Variants in GRM5 observed in about 807,000 individuals in gnomAD.
GRM5 encodes glutamate metabotropic receptor 5, also known as metabotropic glutamate receptor 5.
A neutral mutation model predicts 83.1 loss-of-function variants in GRM5; 19 were observed. The observed-to-expected ratio is 0.23, with a 90% CI of 0.16 to 0.34. The LOEUF (loss-of-function observed/expected upper bound fraction) is 0.34, where lower values mean the gene tolerates loss of function less well. Ranked by LOEUF, GRM5 falls within the 10% of genes least tolerant of loss-of-function variation. The probability of loss-of-function intolerance (pLI) is 1.00; values close to 1 mark genes in which losing one functional copy is unlikely to be tolerated. For missense variants in GRM5, 1,160 were observed against 1,588.3 expected, an observed-to-expected ratio of 0.73 and a Z score of 4.58; for synonymous variants, 675 against 633.6, an observed-to-expected ratio of 1.07 and a Z score of -0.98.
intron 3 of GRM5, among the ~76,000 whole-genome samples, chr11:88,686,488 A>T (rs920985226): frequency 1.3e-5 from 2 of 152,118 alleles, no homozygotes; most frequent in Non-Finnish European, 2.9e-5. Context: ...CTGAGGGAAG[A>T]CACGCTTGGT....
chr11:88,768,691 T>A (rs944309359), intron 3 of GRM5, among the ~76,000 whole-genome samples: 2 of 151,642 alleles, frequency 1.3e-5, no homozygotes, highest in Admixed American at 1.3e-4. Context: ...GGTCCTTATA[T>A]GAAAGAGACA....
intron 2 of GRM5, among the ~76,000 whole-genome samples, chr11:88,883,057 C>A (rs1407139481): frequency 6.6e-6 from 1 of 152,154 alleles, no homozygotes; most frequent in Non-Finnish European, 1.5e-5. Context: ...TCCATTAAAC[C>A]TCTTTCCTTT....
At chr11:88,976,527 T>C (rs1472619889) in intron 2 of GRM5, among the ~76,000 whole-genome samples, 4 of 139,414 alleles carry the variant, frequency 2.9e-5, no homozygotes, top group Non-Finnish European at 3.0e-5. Flanking sequence ...AAAATCCAAG[T>C]GCTGAACACA....
intron 3 of GRM5, among the ~76,000 whole-genome samples, chr11:88,819,053 T>C (rs1322785114): frequency 6.6e-6 from 1 of 152,160 alleles, no homozygotes; most frequent in Non-Finnish European, 1.5e-5. Context: ...CAGCTCTAGG[T>C]GAAGGACAAA....
At chr11:88,737,057 G>A (rs1038633214) in intron 3 of GRM5, among the ~76,000 whole-genome samples, 7 of 152,058 alleles carry the variant, frequency 4.6e-5, no homozygotes, top group African/African-American at 1.7e-4. Context: ...GAAGAAGGAG[G>A]TCACTAGAGG....
chr11:88,834,053 C>A (rs1465263110), intron 3 of GRM5, among the ~76,000 whole-genome samples: 3 of 152,114 alleles, frequency 2.0e-5, no homozygotes, highest in Non-Finnish European at 4.4e-5. Flanking sequence ...TGTTTGTTAG[C>A]TGAGTAGACT....
chr11:88,766,097 G>A (rs2135444046), intron 3 of GRM5, among the ~76,000 whole-genome samples: 1 of 151,974 alleles, frequency 6.6e-6, no homozygotes, highest in South Asian at 2.1e-4. Flanking sequence ...TCATGGATAG[G>A]AAGAATCAAT....
chr11:89,062,647 G>A (rs1169611501), intron 1 of GRM5, among the ~76,000 whole-genome samples: 2 of 152,226 alleles, frequency 1.3e-5, no homozygotes, highest in Non-Finnish European at 2.9e-5. Context: ...ATAAGCACAA[G>A]CGCTTGTTAT....
intron 3 of GRM5, among the ~76,000 whole-genome samples, chr11:88,662,226 T>C (rs1244592841): frequency 6.6e-6 from 1 of 152,174 alleles, no homozygotes; most frequent in Non-Finnish European, 1.5e-5. Context: ...TGAGGAAATC[T>C]GAGGGATTAA....
At chr11:88,849,366 G>A (rs2135539419) in intron 3 of GRM5, among the ~76,000 whole-genome samples, 1 of 152,304 alleles carries the variant, frequency 6.6e-6, no homozygotes, top group South Asian at 2.1e-4. Context: ...GATAATTAAA[G>A]TCAATCTCTG....
Position 88,850,063 on chromosome 11 carries a change from C to T in GRM5, c.754G>A (p.Ala252Thr), listed in dbSNP as rs751836926. Residue 252 changes from alanine to threonine, a missense_variant, in exon 3 of 10, where the codon GCA (alanine) becomes ACA (threonine). Around this residue, in one of 9 missense-constraint regions of GRM5, gnomAD observed 84 missense variants for 231.0 expected, o/e 0.36. Transcript: ENST00000305447. ...IAHSYKIYSN[A>T]GEQSFDKLLK... ...AGCTTATCAAAGCTCTGCTCCCCTG[C>T]ATTACTGTAGATTTTGTAAGAGTGG... 1 of 1,565,900 alleles carries T rather than the reference C, an allele frequency of 6.4e-7. No individual in the cohort carries two copies. Among genetic ancestry groups the T allele is most frequent in the Non-Finnish European group, 8.8e-7 (1 of 1,136,218 alleles).
intron 3 of GRM5, among the ~76,000 whole-genome samples, chr11:88,763,609 G>A (rs1046552219): frequency 4.6e-5 from 7 of 151,770 alleles, no homozygotes; most frequent in African/African-American, 9.7e-5. Context: ...GCTCAAAGGC[G>A]TGAGGACAGA....
intron 2 of GRM5, among the ~76,000 whole-genome samples, chr11:88,936,461 A>T (rs1840850601): frequency 6.6e-6 from 1 of 151,860 alleles, no homozygotes; most frequent in African/African-American, 2.4e-5. Flanking sequence ...TTCTCATTAT[A>T]ATCTCTCATA....
intron 3 of GRM5, among the ~76,000 whole-genome samples, chr11:88,839,501 A>G (rs1347134734): frequency 1.3e-5 from 2 of 152,240 alleles, no homozygotes; most frequent in Non-Finnish European, 2.9e-5. Context: ...ATTTTCATTC[A>G]TAATATTATC....
intron 2 of GRM5, among the ~76,000 whole-genome samples, chr11:88,882,677 C>G (rs1944980389): frequency 6.6e-6 from 1 of 151,996 alleles, no homozygotes; most frequent in African/African-American, 2.4e-5. Context: ...CTATCAATAG[C>G]TAATAATTTC....
intron 2 of GRM5, among the ~76,000 whole-genome samples, chr11:89,025,433 A>C (rs7121922): frequency 0.08 from 12,113 of 152,190 alleles, 1,131 homozygotes; most frequent in African/African-American, 0.23. Flanking sequence ...ACATAAGGAG[A>C]GTAGAGTCAA....
chr11:88,868,458 A>G (rs2135558734), intron 2 of GRM5, among the ~76,000 whole-genome samples: 1 of 151,932 alleles, frequency 6.6e-6, no homozygotes, highest in African/African-American at 2.4e-5. Context: ...AGAGCCTGAC[A>G]TATAAATAAG....
chr11:88,529,061 G>A (rs568711929), intron 8 of GRM5, among the ~76,000 whole-genome samples: 1 of 152,106 alleles, frequency 6.6e-6, no homozygotes, highest in Non-Finnish European at 1.5e-5. Flanking sequence ...CAAATAAGTA[G>A]CAGAGTTATC....
At chr11:88,587,693 T>C (rs1943345996) in intron 7 of GRM5, among the ~76,000 whole-genome samples, 1 of 152,144 alleles carries the variant, frequency 6.6e-6, no homozygotes, top group African/African-American at 2.4e-5. Context: ...GTTCTCTCTC[T>C]GTACCCAGAG....
Sources: allele counts gnomAD v4.1 joint callset (sites outside exome capture counted in the v4.1 genomes callset), GRCh38; gene constraint gnomAD v4.1.1; regional missense constraint gnomAD v4.1.1; transcripts MANE v1.5; gene names NCBI Gene and HGNC (gene_info 2026-07-23, HGNC 2026-07-21).